Variants in TASP1 observed in about 807,000 individuals in gnomAD.
TASP1 encodes the protein threonine aspartase 1.
A neutral mutation model predicts 56.6 loss-of-function variants in TASP1; 16 were observed. That is an observed-to-expected ratio of 0.28 (90% CI 0.19 to 0.43). The LOEUF (loss-of-function observed/expected upper bound fraction) is 0.43, where lower values mean the gene tolerates loss of function less well. Ranked by LOEUF, TASP1 falls within the 20% of genes least tolerant of loss-of-function variation. TASP1 has a pLI of 1.00. For missense variants in TASP1, 393 were observed against 511.6 expected, an observed-to-expected ratio of 0.77 and a Z score of 2.24; for synonymous variants, 179 against 184.2, an observed-to-expected ratio of 0.97 and a Z score of 0.23.
At chr20:13,573,470 A>G (rs929655130) in intron 6 of TASP1, among the ~76,000 whole-genome samples, 1 of 152,218 alleles carries the variant, frequency 6.6e-6, no homozygotes, top group Non-Finnish European at 1.5e-5. Context: ...TATGATATTA[A>G]GGTGTTTTGT....
the TASP1 span, chr20:13,166,352 A>C: frequency 6.6e-6 from 1 of 152,606 alleles, no homozygotes; most frequent in Non-Finnish European, 1.5e-5. Flanking sequence ...AGTGATCAGC[A>C]TGGAAAGTTT....
the TASP1 span, chr20:13,153,942 C>T: frequency 9.4e-6 from 15 of 1,590,998 alleles, no homozygotes; most frequent in Admixed American, 1.7e-5. Context: ...CCAAGTTGAC[C>T]GGACCTTTAC....
chr20:13,258,619 C>G, the TASP1 span, among the ~76,000 whole-genome samples: 3 of 152,098 alleles, frequency 2.0e-5, no homozygotes, highest in African/African-American at 7.2e-5. Context: ...AAGAAAGCCT[C>G]TGAGAACTTG....
chr20:13,450,062 A>C (rs1483857835), intron 11 of TASP1, among the ~76,000 whole-genome samples: 1 of 152,118 alleles, frequency 6.6e-6, no homozygotes, highest in Non-Finnish European at 1.5e-5. Context: ...GAGTCATGCA[A>C]GTTTTTTGGT....
At chr20:13,426,401 T>C (rs2042618516) in intron 12 of TASP1, among the ~76,000 whole-genome samples, 1 of 152,178 alleles carries the variant, frequency 6.6e-6, no homozygotes, top group Non-Finnish European at 1.5e-5. Flanking sequence ...TTTTGTATTC[T>C]ATATTTCAGA....
At chr20:13,491,996 T>C (rs1410430973) in intron 10 of TASP1, among the ~76,000 whole-genome samples, 2 of 152,142 alleles carry the variant, frequency 1.3e-5, no homozygotes. Flanking sequence ...TGCAGACTTT[T>C]TGTCTTCTAA....
the TASP1 span, among the ~76,000 whole-genome samples, chr20:13,324,454 A>G: frequency 6.6e-6 from 1 of 152,198 alleles, no homozygotes; most frequent in Admixed American, 6.5e-5. Context: ...TCTTGTCCAC[A>G]TTTTAGGCAG....
At chr20:13,465,765 T>G (rs1239456327) in intron 11 of TASP1, among the ~76,000 whole-genome samples, 1 of 138,208 alleles carries the variant, frequency 7.2e-6, no homozygotes, top group East Asian at 2.2e-4. Flanking sequence ...ATTCCATCTA[T>G]ATAACATTTT....
chr20:13,524,283 C>T (rs998813581), intron 10 of TASP1, among the ~76,000 whole-genome samples: 3 of 152,060 alleles, frequency 2.0e-5, no homozygotes, highest in African/African-American at 7.2e-5. Flanking sequence ...CTTCAATCTG[C>T]TCGTCCTTTC....
the TASP1 span, among the ~76,000 whole-genome samples, chr20:13,179,616 T>G: frequency 6.6e-6 from 1 of 152,176 alleles, no homozygotes; most frequent in Admixed American, 6.5e-5. Flanking sequence ...TAGAGGTTTG[T>G]GGCTTTGTAT....
At chr20:13,556,231 T>C (rs1443753576) in intron 8 of TASP1, among the ~76,000 whole-genome samples, 2 of 152,202 alleles carry the variant, frequency 1.3e-5, no homozygotes, top group Non-Finnish European at 2.9e-5. Context: ...CCAATAACTA[T>C]TGGCATCAAT....
At chr20:13,295,995 A>C in the TASP1 span, among the ~76,000 whole-genome samples, 2 of 152,164 alleles carry the variant, frequency 1.3e-5, no homozygotes, top group African/African-American at 4.8e-5. Flanking sequence ...GTGCTCCTTG[A>C]AGCAACCCTG....
the TASP1 span, among the ~76,000 whole-genome samples, chr20:13,312,151 G>A: frequency 5.3e-5 from 8 of 152,156 alleles, no homozygotes; most frequent in African/African-American, 1.2e-4. Context: ...CAACTGCTAC[G>A]TTATCTTCTG....
At chr20:13,521,877 A>T (rs1246012485) in intron 10 of TASP1, among the ~76,000 whole-genome samples, 1 of 152,192 alleles carries the variant, frequency 6.6e-6, no homozygotes, top group Non-Finnish European at 1.5e-5. Flanking sequence ...TACGGGAAAA[A>T]ATAAAACATG....
the TASP1 span, among the ~76,000 whole-genome samples, chr20:13,115,031 C>T: frequency 3.4e-4 from 51 of 152,192 alleles, 2 homozygotes; most frequent in Admixed American, 2.0e-4. Flanking sequence ...TACCTACAGT[C>T]GTGTTTTAGT....
rs550618212 is a variant in TASP1 at position 13,617,950 on chromosome 20, T to TC, written c.282+5495dup. Among the ~76,000 whole-genome samples, 144 of 152,040 alleles carry TC rather than the reference T, an allele frequency of 9.5e-4. 1 individual carries two copies. Among genetic ancestry groups the TC allele is most frequent in the Non-Finnish European group, 1.1e-3 (74 of 67,998 alleles). ...TGGCAGGCCTTAGAAGTTTCTTCTA[T>TC]CCCCCTGAGGCACACAGACAATTCC... On this transcript the variant is annotated intron_variant, in intron 4 of 13. Transcript: ENST00000337743.
chr20:13,116,822 G>A, the TASP1 span, among the ~76,000 whole-genome samples: 2,413 of 152,214 alleles, frequency 0.016, 62 homozygotes, highest in African/African-American at 0.055. Context: ...ACCCAATACC[G>A]ACTGAATCAG....
At chr20:13,416,965 G>T (rs1296178992) in intron 13 of TASP1, among the ~76,000 whole-genome samples, 48 of 152,206 alleles carry the variant, frequency 3.2e-4, no homozygotes, top group Admixed American at 3.1e-3. Context: ...GGGCATGACA[G>T]AACACACTGA....
At chr20:13,572,475 G>A (rs1374832057) in intron 6 of TASP1, among the ~76,000 whole-genome samples, 3 of 152,102 alleles carry the variant, frequency 2.0e-5, no homozygotes, top group Non-Finnish European at 4.4e-5. Context: ...CTTGAGGTCA[G>A]GAGTTTGAGA....
Sources: allele counts gnomAD v4.1 joint callset (sites outside exome capture counted in the v4.1 genomes callset), GRCh38; gene constraint gnomAD v4.1.1; transcripts MANE v1.5; gene names NCBI Gene and HGNC (gene_info 2026-07-23, HGNC 2026-07-21).